Variants in ERG observed in about 807,000 individuals in gnomAD.
ERG encodes transcriptional regulator ERG.
ERG carries 9 observed loss-of-function variants against 55.3 expected under a neutral mutation model. That is an observed-to-expected ratio of 0.16 (90% confidence interval 0.10 to 0.28). The LOEUF is 0.28. Among genes scored for constraint, ERG ranks in the 10% least tolerant of loss-of-function variants. The probability of loss-of-function intolerance (pLI) is 1.00; values close to 1 mark genes in which losing one functional copy is unlikely to be tolerated. For synonymous variants in ERG, 223 were observed against 237.3 expected (o/e 0.94, Z 0.55); for missense variants, 434 against 631.6 (o/e 0.69, Z 3.35).
At chr21:38,477,954 A>G (rs1237413102) in intron 1 of ERG, among the ~76,000 whole-genome samples, 2 of 152,246 alleles carry the variant, frequency 1.3e-5, no homozygotes, top group Non-Finnish European at 2.9e-5. Flanking sequence ...AATCTTCATG[A>G]TGACCTGAGA....
At chr21:38,647,846 T>C (rs1474850127) in intron 1 of ERG, among the ~76,000 whole-genome samples, 1 of 152,126 alleles carries the variant, frequency 6.6e-6, no homozygotes, top group Non-Finnish European at 1.5e-5. Context: ...CCAATGGGTA[T>C]TAAAGCACAA....
At position 38,617,986 on chromosome 21, in the gene ERG, C is replaced by G. The variant is rs1397418984; in HGVS notation, c.-149-33041G>C. Among the ~76,000 whole-genome samples, 3 of 152,146 alleles carry G rather than the reference C, an allele frequency of 2.0e-5. No homozygotes were observed. In the South Asian group the frequency reaches 6.2e-4, roughly 32 times the overall value. ...AAGGCCAGCCTGGAGCAGCACCTGG[C>G]AGGACGAGGCTTAAAAGAATGAATA... is the stretch of plus-strand genomic sequence containing the variant. On this transcript the variant is annotated intron_variant, in intron 1 of 10. Coordinates refer to the ERG transcript ENST00000398910.
intron 6 of ERG, among the ~76,000 whole-genome samples, chr21:38,396,503 C>T (rs1199999635): frequency 6.6e-6 from 1 of 152,236 alleles, no homozygotes; most frequent in East Asian, 1.9e-4. Context: ...CAAGAAACCC[C>T]TGAAGAGCAG....
chr21:38,614,546 G>A (rs894834097), intron 1 of ERG, among the ~76,000 whole-genome samples: 2 of 152,170 alleles, frequency 1.3e-5, no homozygotes, highest in East Asian at 1.9e-4. Context: ...GCTAGAAGGC[G>A]ACTGGGATGG....
At chr21:38,536,518 C>T (rs1303010925) in intron 2 of ERG, among the ~76,000 whole-genome samples, 1 of 152,176 alleles carries the variant, frequency 6.6e-6, no homozygotes, top group South Asian at 2.1e-4. Context: ...GCATTTTATG[C>T]ATCCTCTGTT....
At chr21:38,660,884 T>G (rs1035348347) in intron 1 of ERG, among the ~76,000 whole-genome samples, 4 of 151,790 alleles carry the variant, frequency 2.6e-5, no homozygotes, top group Non-Finnish European at 5.9e-5. Flanking sequence ...GGTGTGGGTG[T>G]GCTCGCGTGT....
chr21:38,488,040 C>T (rs2059303015), intron 1 of ERG, among the ~76,000 whole-genome samples: 1 of 152,184 alleles, frequency 6.6e-6, no homozygotes, highest in Non-Finnish European at 1.5e-5. Context: ...TGCCCCCCAC[C>T]TGGCAGTCAT....
chr21:38,601,602 G>T (rs2060164926), intron 1 of ERG, among the ~76,000 whole-genome samples: 1 of 152,098 alleles, frequency 6.6e-6, no homozygotes, highest in Non-Finnish European at 1.5e-5. Flanking sequence ...TGAATTCTTA[G>T]ATTACTTGAC....
intron 1 of ERG, among the ~76,000 whole-genome samples, chr21:38,612,016 A>T (rs2060230369): frequency 6.6e-6 from 1 of 152,146 alleles, no homozygotes; most frequent in South Asian, 2.1e-4. Context: ...AGACCTTTTA[A>T]ATCATTTTTC....
chr21:38,597,007 C>T (rs188584183), intron 1 of ERG, among the ~76,000 whole-genome samples: 15 of 152,304 alleles, frequency 9.8e-5, no homozygotes, highest in Admixed American at 8.5e-4. Flanking sequence ...ACCAACTTCC[C>T]AGGGCTTCCT....
chr21:38,600,266 G>C (rs1248255872), intron 1 of ERG, among the ~76,000 whole-genome samples: 1 of 152,194 alleles, frequency 6.6e-6, no homozygotes, highest in African/African-American at 2.4e-5. Context: ...TGGGCATCAA[G>C]GCAGTTTTGA....
intron 2 of ERG, among the ~76,000 whole-genome samples, chr21:38,536,881 C>A (rs916640547): frequency 2.0e-5 from 3 of 152,110 alleles, no homozygotes; most frequent in Non-Finnish European, 2.9e-5. Flanking sequence ...TTATGGCTGA[C>A]AAAATCTCAA....
At chr21:38,635,797 T>C (rs1050632982) in intron 1 of ERG, among the ~76,000 whole-genome samples, 3 of 152,204 alleles carry the variant, frequency 2.0e-5, no homozygotes, top group Non-Finnish European at 4.4e-5. Context: ...TTACCACCTA[T>C]GTCCAAACAT....
intron 2 of ERG, among the ~76,000 whole-genome samples, chr21:38,435,797 C>G (rs1175686081): frequency 1.3e-5 from 2 of 152,162 alleles, no homozygotes; most frequent in Admixed American, 1.3e-4. Context: ...TGGGATTCAT[C>G]ATTTGAAAAC....
chr21:38,422,761 A>T lies in ERG; in HGVS notation c.388+649T>A, dbSNP rs193065142. 6.1e-4 allele frequency among the ~76,000 whole-genome samples: 93 copies of T among 152,336 alleles called. No homozygotes were observed. The East Asian group carries it at 0.015, about 24-fold the overall frequency. On this transcript the variant is annotated intron_variant, in intron 3 of 9. Transcript: ENST00000288319. ...TTTGTGGTAAAGAGTTACTCTGGTT[A>T]TTAGAATCTGTATTACAGGCCAGTG...
At position 38,552,111 on chromosome 21, in the gene ERG, T is replaced by G. The variant is rs539025152; in HGVS notation, c.-41+23551A>C. Among the ~76,000 whole-genome samples, 233 of 152,286 alleles carry G rather than the reference T, an allele frequency of 1.5e-3. 2 individuals are homozygous for G. The highest frequency in any genetic ancestry group is 5.4e-3 in the African/African-American group (223 of 41,554). ...TTATATAATGCCCTTCTTTGTCTTTTTTGATCATTGTTGGTTTAAAGTCTG... is the reference window on the plus strand; with the variant it reads ...TTATATAATGCCCTTCTTTGTCTTTGTTGATCATTGTTGGTTTAAAGTCTG... On this transcript the variant is annotated intron_variant, in intron 2 of 8. Transcript: ENST00000398897.
chr21:38,458,197 G>A (rs766894258), intron 1 of ERG, among the ~76,000 whole-genome samples: 20 of 152,020 alleles, frequency 1.3e-4, no homozygotes, highest in Non-Finnish European at 2.4e-4. Flanking sequence ...AGGCCAAGAC[G>A]GGCAGATCAC....
chr21:38,429,482 T>C lies in ERG; in HGVS notation c.237-5921A>G, dbSNP rs1329958247. On this transcript the variant is annotated intron_variant, in intron 2 of 9. Coordinates refer to ENST00000288319, the MANE Select transcript of ERG (RefSeq NM_182918.4). ...ACATATACACATATGTGTATATACA[T>C]GTATGCACATGTACATATATACATA... Among the ~76,000 whole-genome samples the C allele has an allele frequency of 1.4e-4, 18 of 129,614 alleles. 5 individuals carry two copies. The highest frequency in any genetic ancestry group is 5.0e-4 in the African/African-American group (16 of 31,952). 85.0% of individuals were successfully genotyped at this position (129,614 alleles called of 152,430 possible). A position where few individuals can be genotyped will look rare whatever the true frequency, so the allele number is the denominator to read the frequency against.
At chr21:38,565,133 C>T (rs1290856623) in intron 2 of ERG, among the ~76,000 whole-genome samples, 1 of 152,184 alleles carries the variant, frequency 6.6e-6, no homozygotes, top group Non-Finnish European at 1.5e-5. Context: ...CACTGCATAT[C>T]TAATCCATCA....
Sources: allele counts gnomAD v4.1 joint callset (sites outside exome capture counted in the v4.1 genomes callset), GRCh38; gene constraint gnomAD v4.1.1; transcripts MANE v1.5; gene names NCBI Gene and HGNC (gene_info 2026-07-23, HGNC 2026-07-21).